Variants in DSE observed in about 807,000 individuals in gnomAD.
The protein encoded by DSE is dermatan-sulfate epimerase.
Under a neutral mutation model 84.4 loss-of-function variants are expected in DSE, and 36 were observed. The observed-to-expected ratio is 0.43, with a 90% CI of 0.33 to 0.56. The LOEUF (loss-of-function observed/expected upper bound fraction) is 0.56, where lower values mean the gene tolerates loss of function less well. DSE is among the 20% of genes least tolerant of loss of function. The pLI is 0.06. For synonymous variants in DSE, 410 were observed against 430.1 expected, an observed-to-expected ratio of 0.95 and a Z score of 0.58; for missense variants, 862 against 1,169.6, an observed-to-expected ratio of 0.74 and a Z score of 3.84.
At chr6:116,286,528 C>T (rs1327053118) in intron 2 of DSE, among the ~76,000 whole-genome samples, 1 of 152,068 alleles carries the variant, frequency 6.6e-6, no homozygotes, top group African/African-American at 2.4e-5. Context: ...CAGATATCTT[C>T]TAAAAGAGTC....
At chr6:116,355,578 C>T (rs985967144) in intron 2 of DSE, 1 of 152,136 alleles carries the variant, frequency 6.6e-6, no homozygotes, top group East Asian at 1.9e-4. Context: ...GCGAATTTTC[C>T]AATACATATA....
In DSE at chr6:116,385,938, T is replaced by C. The variant is rs1187601569; in HGVS notation, c.-53-13260T>C. Among the ~76,000 whole-genome samples, 4 of 152,214 alleles carry C rather than the reference T, an allele frequency of 2.6e-5. No homozygotes were observed. The East Asian group carries it at 7.7e-4, about 29-fold the overall frequency. On this transcript the variant is annotated intron_variant, in intron 1 of 5. Coordinates refer to ENST00000644252, the MANE Select transcript of DSE (RefSeq NM_013352.4). ...GTGTAGTAATAAAAGCACCACTCCA[T>C]ATATACTCATCCAATATATACAATT...
At chr6:116,273,932 C>T (rs892313784) in intron 2 of DSE, among the ~76,000 whole-genome samples, 22 of 150,702 alleles carry the variant, frequency 1.5e-4, no homozygotes, top group African/African-American at 5.4e-4. Context: ...TGGGTTCAAG[C>T]GATTCTCCTG....
intron 5 of DSE, 90 bp from the exon 6 acceptor site, chr6:116,435,497 C>T: frequency 7.6e-7 from 1 of 1,317,486 alleles, no homozygotes. Flanking sequence ...CTCTGGGTAG[C>T]ATTTGTGTGT....
In DSE at chr6:116,437,647, GT is replaced by G. The variant is rs1190400477; in HGVS notation, c.*308del. Reference sequence around the variant, plus strand: ...CAAAAAGTCTATTTTTTAAAGTAATGTTTTTTCTTATGAGAAAAAGGTTTAG... The same window carrying G: ...CAAAAAGTCTATTTTTTAAAGTAATGTTTTTCTTATGAGAAAAAGGTTTAG... On this transcript the variant is annotated 3_prime_UTR_variant, in exon 6 of 6. Transcript: ENST00000644252. 4.8e-6 allele frequency: 1 copy of G among 206,354 alleles called. No homozygotes were observed. The highest frequency in any genetic ancestry group is 1.2e-4 in the East Asian group (1 of 8,684). The allele number at this position is 206,354 out of a possible 1,614,324, so 12.8% of individuals were successfully genotyped here.
intron 2 of DSE, among the ~76,000 whole-genome samples, chr6:116,345,866 T>C (rs1207015303): frequency 2.0e-5 from 3 of 151,926 alleles, no homozygotes; most frequent in African/African-American, 7.3e-5. Flanking sequence ...ATTGATAGAC[T>C]GCTAGCAAGA....
At position 116,279,459 on chromosome 6, in the gene DSE, G is replaced by A. The variant is rs775290933; in HGVS notation, c.-54+20492G>A. On this transcript the variant is annotated intron_variant, in intron 2 of 3. Coordinates refer to the DSE transcript ENST00000430252. The stretch of plus-strand genomic sequence containing the variant: ...CTAGGGCCTTCTCTCCACCCTGAAC[G>A]CCCTTTTTCAGGCTGCGGTCGGCTG... 37 of 1,612,968 alleles carry A rather than the reference G, an allele frequency of 2.3e-5. 1 individual carries two copies. In the Admixed American group the frequency reaches 2.8e-4, roughly 12 times the overall value.
intron 2 of DSE, among the ~76,000 whole-genome samples, chr6:116,290,382 T>C (rs1388108062): frequency 6.6e-6 from 1 of 152,162 alleles, no homozygotes; most frequent in Non-Finnish European, 1.5e-5. Flanking sequence ...AATTATAATA[T>C]ATTAATCTAA....
chr6:116,342,627 C>G (rs1185410442), intron 2 of DSE, among the ~76,000 whole-genome samples: 1 of 152,128 alleles, frequency 6.6e-6, no homozygotes, highest in African/African-American at 2.4e-5. Context: ...TTGTAAAAAC[C>G]TTTTTCTCTG....
At chr6:116,350,859 C>T (rs1011615997) in intron 2 of DSE, among the ~76,000 whole-genome samples, 10 of 151,204 alleles carry the variant, frequency 6.6e-5, no homozygotes, top group East Asian at 1.9e-4. Flanking sequence ...TTAGACATGA[C>T]GAACATAGAC....
intron 3 of DSE, among the ~76,000 whole-genome samples, chr6:116,430,617 C>T (rs1222962765): frequency 6.6e-6 from 1 of 152,092 alleles, no homozygotes; most frequent in South Asian, 2.1e-4. Context: ...TCTCCGCTCA[C>T]TGCAAGCTCC....
chr6:116,433,587 A>G, intron 5 of DSE, 37 bp downstream of exon 5: 1 of 1,572,966 alleles, frequency 6.4e-7, no homozygotes, highest in South Asian at 1.2e-5. Context: ...GAGAAATGGT[A>G]CCCAAGGGTA....
chr6:116,281,979 T>C (rs1396066814), intron 2 of DSE, among the ~76,000 whole-genome samples: 1 of 152,242 alleles, frequency 6.6e-6, no homozygotes, highest in Non-Finnish European at 1.5e-5. Context: ...AACAATTTTA[T>C]TTTACAAATA....
chr6:116,342,709 T>C (rs923754467), intron 2 of DSE, among the ~76,000 whole-genome samples: 1 of 152,188 alleles, frequency 6.6e-6, no homozygotes, highest in East Asian at 1.9e-4. Flanking sequence ...GATGGCCAAA[T>C]AGGAATAGCT....
At chr6:116,254,607 T>C (rs1208215234) in intron 1 of DSE, among the ~76,000 whole-genome samples, 1 of 152,216 alleles carries the variant, frequency 6.6e-6, no homozygotes, top group Non-Finnish European at 1.5e-5. Flanking sequence ...CAAGACATAA[T>C]AAAGGAATAT....
At chr6:116,409,117 T>A (rs1330471756) in intron 2 of DSE, among the ~76,000 whole-genome samples, 1 of 152,248 alleles carries the variant, frequency 6.6e-6, no homozygotes, top group Non-Finnish European at 1.5e-5. Context: ...GAAGGATTAG[T>A]TAATGAAACA....
At position 116,436,302 on chromosome 6, in the gene DSE, G is replaced by C; in HGVS notation, c.1834G>C (p.Gly612Arg). ...TGGGGCTTTCATCAGGCAGAGAGAT[G>C]GTCTCTATAAAATGTACTGGATGGA... ...VHGAFIRQRD[G>R]LYKMYWMDDT... The change falls in exon 6 of 6, where the codon GGT becomes CGT. Residue 612 changes from glycine (G) to arginine (R), a missense_variant. Gly to Arg is a moderately radical substitution (Grantham distance 125, BLOSUM62 -2). This residue lies in a region of DSE where 186 missense variants were observed against 255.1 expected (regional missense o/e 0.73). Coordinates refer to ENST00000644252, the MANE Select transcript of DSE (RefSeq NM_013352.4). The C allele has an allele frequency of 1.2e-6, 2 of 1,614,116 alleles. No homozygotes were observed. The highest frequency in any genetic ancestry group is 1.7e-6 in the Non-Finnish European group (2 of 1,180,016).
intron 2 of DSE, among the ~76,000 whole-genome samples, chr6:116,420,894 A>C (rs1003992356): frequency 1.1e-4 from 17 of 152,226 alleles, no homozygotes; most frequent in Non-Finnish European, 2.1e-4. Context: ...TCACCTTTTT[A>C]GTGATACAGA....
At chr6:116,392,577 A>G (rs778237529) in intron 1 of DSE, among the ~76,000 whole-genome samples, 1 of 152,164 alleles carries the variant, frequency 6.6e-6, no homozygotes, top group Non-Finnish European at 1.5e-5. Context: ...TTTTCTAAAT[A>G]TGATTACAAC....
Sources: gnomAD v4.1 joint callset for allele counts (sites outside exome capture counted in the v4.1 genomes callset) on GRCh38, gnomAD v4.1.1 for gene constraint, gnomAD v4.1.1 regional missense constraint, MANE v1.5 for transcripts, NCBI Gene and HGNC (gene_info 2026-07-23, HGNC 2026-07-21) for gene names.